LY86: variants seen among roughly 807,000 people sequenced by gnomAD.
The protein encoded by LY86 is lymphocyte antigen 86, also known as MD-1, RP105-associated.
LY86 carries 20 observed loss-of-function variants against 17.3 expected under a neutral mutation model. The observed-to-expected ratio is 1.15, with a 90% CI of 0.81 to 1.68. The LOEUF (loss-of-function observed/expected upper bound fraction) is 1.68, where lower values mean the gene tolerates loss of function less well. Among genes scored for constraint, LY86 ranks in the 40% most tolerant of loss-of-function variants. LY86 has a pLI of 0.00. For missense variants in LY86, 200 were observed against 191.9 expected (o/e 1.04, Z -0.25); for synonymous variants, 74 against 70.6 (o/e 1.05, Z -0.24).
At chr6:6,640,539 G>C (rs1440808871) in intron 3 of LY86, among the ~76,000 whole-genome samples, 1 of 151,962 alleles carries the variant, frequency 6.6e-6, no homozygotes, top group East Asian at 1.9e-4. Flanking sequence ...GGGCAACATA[G>C]GAAGACCCCC....
At chr6:6,647,968 TACACACACACACACACACACACACAC>T (rs57233850) in intron 3 of LY86, among the ~76,000 whole-genome samples, 2 of 144,696 alleles carry the variant, frequency 1.4e-5, no homozygotes, top group African/African-American at 2.5e-5. Context: ...AATCATCACA[TACACACACACACACACACACACACAC>T]ACACACACAC....
intron 1 of LY86, among the ~76,000 whole-genome samples, chr6:6,593,417 G>GA (rs79008716): frequency 0.34 from 51,794 of 152,012 alleles, 8,856 homozygotes; most frequent in East Asian, 0.54. Context: ...CTTTTGCCAA[G>GA]TAAGATAAGA....
At chr6:6,639,990 C>T (rs752409501) in intron 3 of LY86, among the ~76,000 whole-genome samples, 2 of 152,132 alleles carry the variant, frequency 1.3e-5, no homozygotes, top group African/African-American at 2.4e-5. Flanking sequence ...ACAGATAATG[C>T]GCTTGCTCAC....
intron 1 of LY86, among the ~76,000 whole-genome samples, chr6:6,609,224 C>A (rs1407367829): frequency 6.6e-6 from 1 of 152,198 alleles, no homozygotes; most frequent in Non-Finnish European, 1.5e-5. Flanking sequence ...CACCTCCCTC[C>A]TTCCTGTCCA....
At chr6:6,620,533 T>C (rs1164125072) in intron 1 of LY86, among the ~76,000 whole-genome samples, 2 of 152,174 alleles carry the variant, frequency 1.3e-5, no homozygotes, top group Non-Finnish European at 2.9e-5. Context: ...AAATCAAGGA[T>C]TGGTCCAGTG....
intron 1 of LY86, among the ~76,000 whole-genome samples, chr6:6,605,137 C>G (rs1275444581): frequency 6.6e-6 from 1 of 151,226 alleles, no homozygotes; most frequent in Non-Finnish European, 1.5e-5. Context: ...AATGGAATGA[C>G]AAGCAAAGTA....
At chr6:6,596,689 G>A (rs1397684513) in intron 1 of LY86, among the ~76,000 whole-genome samples, 1 of 152,156 alleles carries the variant, frequency 6.6e-6, no homozygotes, top group Non-Finnish European at 1.5e-5. Flanking sequence ...CAACACTGTG[G>A]TGCAGATTTT....
At chr6:6,637,958 TA>T (rs1403867962) in intron 3 of LY86, among the ~76,000 whole-genome samples, 1 of 152,246 alleles carries the variant, frequency 6.6e-6, no homozygotes, top group Non-Finnish European at 1.5e-5. Context: ...CAAAAAAACT[TA>T]AATTCTTTTT....
At chr6:6,634,841 G>A (rs1258310441) in intron 3 of LY86, among the ~76,000 whole-genome samples, 6 of 152,174 alleles carry the variant, frequency 3.9e-5, no homozygotes, top group African/African-American at 1.4e-4. Flanking sequence ...AAGGGAATTT[G>A]GGGGGAGTGC....
At chr6:6,599,725 TAAAGAGCCTCAG>T (rs1245179676) in intron 1 of LY86, among the ~76,000 whole-genome samples, 1 of 152,166 alleles carries the variant, frequency 6.6e-6, no homozygotes, top group Non-Finnish European at 1.5e-5. Flanking sequence ...TCAGGCAAGA[TAAAGAGCCTCAG>T]GGCTTCAAGC....
At chr6:6,605,859 C>T (rs115133103) in intron 1 of LY86, among the ~76,000 whole-genome samples, 10 of 151,648 alleles carry the variant, frequency 6.6e-5, no homozygotes, top group South Asian at 2.1e-4. Flanking sequence ...CTTAAGGGGG[C>T]ATCTGGAGCT....
At chr6:6,606,074 C>A (rs1168983593) in intron 1 of LY86, among the ~76,000 whole-genome samples, 3 of 152,190 alleles carry the variant, frequency 2.0e-5, no homozygotes, top group Non-Finnish European at 4.4e-5. Context: ...GGGCAGCCTG[C>A]TTTTATTCTC....
chr6:6,617,408 G>T (rs1761579933), intron 1 of LY86, among the ~76,000 whole-genome samples: 1 of 152,192 alleles, frequency 6.6e-6, no homozygotes, highest in African/African-American at 2.4e-5. Context: ...TGGGAAACAT[G>T]CCTTGTCTAC....
At chr6:6,651,331 C>T (rs902325776) in intron 4 of LY86, among the ~76,000 whole-genome samples, 1 of 152,310 alleles carries the variant, frequency 6.6e-6, no homozygotes, top group East Asian at 1.9e-4. Context: ...GGTTTGTTTC[C>T]TTTCTTTCCC....
At chr6:6,624,361 A>C (rs1761740468) in intron 1 of LY86, among the ~76,000 whole-genome samples, 1 of 47,766 alleles carries the variant, frequency 2.1e-5, no homozygotes, top group South Asian at 7.0e-4. Flanking sequence ...TTGGAGGAGG[A>C]AGCATTACAT....
chr6:6,641,319 A>T (rs2113157016), intron 3 of LY86, among the ~76,000 whole-genome samples: 1 of 152,364 alleles, frequency 6.6e-6, no homozygotes, highest in Admixed American at 6.5e-5. Flanking sequence ...GCACTATTGG[A>T]CACTTGTGCG....
At chr6:6,618,998 AT>A (rs1462566050) in intron 1 of LY86, among the ~76,000 whole-genome samples, 1 of 152,202 alleles carries the variant, frequency 6.6e-6, no homozygotes, top group Non-Finnish European at 1.5e-5. Flanking sequence ...AAGAAAGTTA[AT>A]TTTGCATTGT....
chr6:6,594,456 G>GT (rs66839730), intron 1 of LY86, among the ~76,000 whole-genome samples: 5 of 15,736 alleles, frequency 3.2e-4, no homozygotes, highest in Non-Finnish European at 2.1e-3. Flanking sequence ...TATGCTACTC[G>GT]TGTTATAATG....
At position 6,654,514 on chromosome 6, in the gene LY86, C is replaced by T. The variant is rs375849726; in HGVS notation, c.406-30C>T. ...ATGGTTAATTGTACTGTGGGTCACA[C>T]GTCTAATACTTGACCTGTGCCCCTT... On this transcript the variant is annotated intron_variant, in intron 4 of 4. Coordinates refer to ENST00000230568, the MANE Select transcript of LY86 (RefSeq NM_004271.4). 1.5e-4 allele frequency: 224 copies of T among 1,497,792 alleles called. No individual in the cohort carries two copies. In the South Asian group the frequency reaches 1.5e-3, roughly 10 times the overall value. 92.8% of individuals were successfully genotyped at this position (1,497,792 alleles called of 1,614,324 possible). A position where few individuals can be genotyped will look rare whatever the true frequency, so the allele number is the denominator to read the frequency against.
Sources: allele counts gnomAD v4.1 joint callset (sites outside exome capture counted in the v4.1 genomes callset), GRCh38; gene constraint gnomAD v4.1.1; transcripts MANE v1.5; gene names NCBI Gene and HGNC (gene_info 2026-07-23, HGNC 2026-07-21).